PTPRD: variants seen among roughly 807,000 people sequenced by gnomAD.
PTPRD encodes receptor-type tyrosine-protein phosphatase delta.
In PTPRD, 34 loss-of-function variants were observed where a neutral mutation model predicts 214.5. That is an observed-to-expected ratio of 0.16 (90% CI 0.12 to 0.21). The LOEUF is 0.21. PTPRD is among the 10% of genes least tolerant of loss of function. The probability of loss-of-function intolerance (pLI) is 1.00; values close to 1 mark genes in which losing one functional copy is unlikely to be tolerated. For missense variants in PTPRD, 2,545 were observed against 2,398.7 expected (o/e 1.06, Z -1.27); for synonymous variants, 1,128 against 845.7 (o/e 1.33, Z -5.79).
intron 7 of PTPRD, among the ~76,000 whole-genome samples, chr9:9,616,261 C>CAT (rs2094854753): frequency 6.6e-6 from 1 of 152,000 alleles, no homozygotes; most frequent in Non-Finnish European, 1.5e-5. Context: ...AGTGACACCC[C>CAT]CCAAAATTAT....
At chr9:8,665,261 A>C (rs2097148247) in intron 12 of PTPRD, among the ~76,000 whole-genome samples, 1 of 152,210 alleles carries the variant, frequency 6.6e-6, no homozygotes, top group African/African-American at 2.4e-5. Context: ...ACGAAAATGC[A>C]GCAGGTCTTA....
chr9:10,215,358 A>G (rs1049989014), intron 3 of PTPRD, among the ~76,000 whole-genome samples: 3 of 152,086 alleles, frequency 2.0e-5, no homozygotes, highest in Non-Finnish European at 4.4e-5. Flanking sequence ...ACAATATATT[A>G]GACATTTTAC....
chr9:9,632,281 T>C (rs984856210), intron 7 of PTPRD, among the ~76,000 whole-genome samples: 1 of 152,050 alleles, frequency 6.6e-6, no homozygotes, highest in Admixed American at 6.6e-5. Flanking sequence ...AACATTACAC[T>C]AAGGAAACAA....
At chr9:9,147,303 C>T (rs1292862092) in intron 10 of PTPRD, among the ~76,000 whole-genome samples, 2 of 142,240 alleles carry the variant, frequency 1.4e-5, no homozygotes, top group Non-Finnish European at 3.1e-5. Flanking sequence ...GTTCTTTTTG[C>T]AGTAAAAATG....
intron 4 of PTPRD, among the ~76,000 whole-genome samples, chr9:9,964,021 C>G (rs1490582487): frequency 7.5e-6 from 1 of 133,514 alleles, no homozygotes; most frequent in Non-Finnish European, 1.7e-5. Context: ...GTGTATGAGT[C>G]AGAGAGACAC....
intron 8 of PTPRD, among the ~76,000 whole-genome samples, chr9:9,538,762 CT>C (rs2076999357): frequency 6.6e-6 from 1 of 151,772 alleles, no homozygotes; most frequent in Non-Finnish European, 1.5e-5. Flanking sequence ...AACAAATGCT[CT>C]AATGAAAGAC....
At chr9:9,501,589 C>T (rs1411213898) in intron 8 of PTPRD, among the ~76,000 whole-genome samples, 1 of 151,758 alleles carries the variant, frequency 6.6e-6, no homozygotes, top group East Asian at 1.9e-4. Context: ...ATCAACTATG[C>T]CCAAAGACTG....
At chr9:8,567,849 G>T (rs1305129602) in intron 14 of PTPRD, among the ~76,000 whole-genome samples, 1 of 152,068 alleles carries the variant, frequency 6.6e-6, no homozygotes, top group Admixed American at 6.6e-5. Flanking sequence ...TCAGGATCAA[G>T]GCATAGGTCT....
intron 43 of PTPRD, among the ~76,000 whole-genome samples, chr9:8,336,509 C>A (rs1341052668): frequency 5.1e-5 from 7 of 136,992 alleles, no homozygotes; most frequent in Admixed American, 1.5e-4. Flanking sequence ...AAAACCTAGG[C>A]AATACCATTC....
intron 14 of PTPRD, among the ~76,000 whole-genome samples, chr9:8,599,819 G>A (rs1426145733): frequency 6.6e-6 from 1 of 151,888 alleles, no homozygotes. Flanking sequence ...GCTTCTCCAT[G>A]TTGGTCAGGC....
intron 12 of PTPRD, among the ~76,000 whole-genome samples, chr9:8,731,896 G>A (rs1303515914): frequency 3.3e-5 from 5 of 152,244 alleles, no homozygotes; most frequent in Non-Finnish European, 5.9e-5. Context: ...CCAAGTTGAA[G>A]CCTGCTTCCT....
chr9:9,097,587 T>A (rs2099785407), intron 10 of PTPRD, among the ~76,000 whole-genome samples: 1 of 151,804 alleles, frequency 6.6e-6, no homozygotes, highest in Admixed American at 6.6e-5. Flanking sequence ...TTTTTTTGTA[T>A]TTTTAGTAGA....
chr9:8,353,934 GTACATATATA>G, intron 39 of PTPRD, among the ~76,000 whole-genome samples: 1 of 77,986 alleles, frequency 1.3e-5, no homozygotes, highest in East Asian at 3.7e-4. Context: ...ATATGTGTGT[GTACATATATA>G]TATATATATA....
At chr9:9,251,684 T>C (rs1280062030) in intron 9 of PTPRD, among the ~76,000 whole-genome samples, 2 of 152,090 alleles carry the variant, frequency 1.3e-5, no homozygotes, top group South Asian at 2.1e-4. Flanking sequence ...ATAAGAAGTG[T>C]CTTCTCTTCA....
intron 5 of PTPRD, among the ~76,000 whole-genome samples, chr9:9,890,509 A>G (rs1213001196): frequency 1.3e-5 from 2 of 151,944 alleles, no homozygotes; most frequent in Admixed American, 6.6e-5. Context: ...GTAATTCTTC[A>G]TATTAAACTT....
chr9:9,804,761 G>A (rs2099062556), intron 5 of PTPRD, among the ~76,000 whole-genome samples: 1 of 151,666 alleles, frequency 6.6e-6, no homozygotes, highest in African/African-American at 2.4e-5. Flanking sequence ...GATATGAGGT[G>A]TGCTTTTTAT....
At chr9:10,068,994 T>G (rs958059843) in intron 3 of PTPRD, among the ~76,000 whole-genome samples, 2 of 152,046 alleles carry the variant, frequency 1.3e-5, no homozygotes, top group Non-Finnish European at 2.9e-5. Flanking sequence ...TGTTTATCAT[T>G]ATAATCTTTG....
chr9:8,511,349 G>C (rs780239811), intron 21 of PTPRD, among the ~76,000 whole-genome samples: 3 of 152,052 alleles, frequency 2.0e-5, no homozygotes, highest in Non-Finnish European at 4.4e-5. Flanking sequence ...GAGAGTATGG[G>C]TGTGAGCCAC....
chr9:10,182,259 CAAAA>C (rs3075574), intron 3 of PTPRD, among the ~76,000 whole-genome samples: 1 of 54,442 alleles, frequency 1.8e-5, no homozygotes, highest in African/African-American at 8.0e-5. Flanking sequence ...GACTCTGCCT[CAAAA>C]AAAAAAAAAA....
Sources: allele counts gnomAD v4.1 joint callset (sites outside exome capture counted in the v4.1 genomes callset), GRCh38; gene constraint gnomAD v4.1.1; transcripts MANE v1.5; gene names NCBI Gene and HGNC (gene_info 2026-07-23, HGNC 2026-07-21).